DIPK2A: variants seen among roughly 807,000 people sequenced by gnomAD.
The protein encoded by DIPK2A is Golgi Protein of 49 kDa.
A neutral mutation model predicts 39.0 loss-of-function variants in DIPK2A; 27 were observed. The ratio of observed to expected loss-of-function variants is 0.69; its 90% CI spans 0.51 to 0.96. The LOEUF is 0.96. DIPK2A is among the 40% of genes least tolerant of loss of function. The pLI is 0.00. For synonymous variants in DIPK2A, 298 were observed against 240.8 expected (o/e 1.24, Z -2.20); for missense variants, 528 against 571.3 (o/e 0.92, Z 0.77).
chr3:143,973,788 T>C (rs1456078586), intron 1 of DIPK2A: 2 of 583,614 alleles, frequency 3.4e-6, no homozygotes, highest in African/African-American at 3.7e-5. Context: ...AGTTGCGTTG[T>C]TTGCTCTCGT....
At chr3:143,984,275 A>T (rs908407659) in intron 1 of DIPK2A, among the ~76,000 whole-genome samples, 27 of 152,036 alleles carry the variant, frequency 1.8e-4, no homozygotes, top group African/African-American at 6.5e-4. Context: ...ATTTCTTTTG[A>T]TAATATTTCC....
At chr3:143,983,815 A>G (rs1448801668) in intron 1 of DIPK2A, among the ~76,000 whole-genome samples, 1 of 152,074 alleles carries the variant, frequency 6.6e-6, no homozygotes, top group African/African-American at 2.4e-5. Context: ...TAGCAATACA[A>G]ACTGTTTTGT....
At chr3:143,989,054 G>A (rs6770317) in intron 2 of DIPK2A, among the ~76,000 whole-genome samples, 1 of 152,044 alleles carries the variant, frequency 6.6e-6, no homozygotes, top group Admixed American at 6.5e-5. Flanking sequence ...ACCAAATGGA[G>A]CAATCCCTTA....
rs11276482 is a variant in DIPK2A, at chr3:143,991,125, T to TTAAAAAATGTTACGG, written c.*1286_*1287insAAAAATGTTACGGTA. 6.6e-6 allele frequency: 1 copy of TTAAAAAATGTTACGG among 152,244 alleles called. No individual in the cohort carries two copies. The highest frequency in any genetic ancestry group is 1.5e-5 in the Non-Finnish European group (1 of 67,898). The allele number at this position is 152,244 out of a possible 1,614,324, so 9.4% of individuals were successfully genotyped here. A position where few individuals can be genotyped will look rare whatever the true frequency, so the allele number is the denominator to read the frequency against. Reference sequence around the variant, plus strand: ...ATTTGCATAGAAATGTGTGGGCTCTTTATATAAGTTGACTATCACTAACAG... The same window carrying TTAAAAAATGTTACGG: ...ATTTGCATAGAAATGTGTGGGCTCTTTAAAAAATGTTACGGTATATAAGTTGACTATCACTAACAG... On this transcript the variant is annotated 3_prime_UTR_variant, in exon 3 of 3. Transcript: ENST00000315691.
intron 2 of DIPK2A, among the ~76,000 whole-genome samples, chr3:143,988,961 G>A (rs2087944474): frequency 6.6e-6 from 1 of 152,086 alleles, no homozygotes; most frequent in African/African-American, 2.4e-5. Flanking sequence ...CACAAGTTAC[G>A]ACCTATTTTT....
intron 1 of DIPK2A, among the ~76,000 whole-genome samples, chr3:143,980,641 T>G (rs905054908): frequency 5.9e-5 from 9 of 152,160 alleles, no homozygotes; most frequent in Non-Finnish European, 1.2e-4. Context: ...TTTTTTTTTT[T>G]TTGTAGAAAT....
At chr3:143,981,158 A>T (rs147577455) in intron 1 of DIPK2A, among the ~76,000 whole-genome samples, 261 of 152,310 alleles carry the variant, frequency 1.7e-3, no homozygotes, top group African/African-American at 5.8e-3. Context: ...TCAAAGGGTT[A>T]TCGTGATATT....
chr3:143,989,930 G>C lies in DIPK2A; in HGVS notation c.*89G>C. The C allele has an allele frequency of 1.0e-6, 1 of 977,496 alleles. No homozygotes were observed. 60.6% of individuals were successfully genotyped at this position (977,496 alleles called of 1,614,324 possible). A position where few individuals can be genotyped will look rare whatever the true frequency, so the allele number is the denominator to read the frequency against. On this transcript the variant is annotated 3_prime_UTR_variant, in exon 3 of 3. Coordinates refer to ENST00000315691, the MANE Select transcript of DIPK2A (RefSeq NM_173552.5). ...AAACGATCTGAAAAAATGAAATTTG[G>C]AAGTGTTACATTCAGAGGATGATAA... is the stretch of plus-strand genomic sequence containing the variant.
At chr3:143,988,544 T>A (rs2087937896) in intron 2 of DIPK2A, among the ~76,000 whole-genome samples, 1 of 152,064 alleles carries the variant, frequency 6.6e-6, no homozygotes, top group Admixed American at 6.6e-5. Flanking sequence ...CAAAAATGTC[T>A]CTTCCTTCTT....
At chr3:143,977,645 C>T (rs2087749729) in intron 1 of DIPK2A, among the ~76,000 whole-genome samples, 1 of 152,008 alleles carries the variant, frequency 6.6e-6, no homozygotes, top group Non-Finnish European at 1.5e-5. Context: ...TAACTGTCTT[C>T]CTAGATTTCG....
intron 1 of DIPK2A, chr3:143,978,664 A>ATATATATATATATATC (rs1559854273): frequency 2.1e-5 from 1 of 47,316 alleles, no homozygotes; most frequent in Non-Finnish European, 3.8e-5. Flanking sequence ...ATATATCTAT[A>ATATATATATATATATC]TATAGATATA....
chr3:143,975,968 C>G (rs139692441), intron 1 of DIPK2A, among the ~76,000 whole-genome samples: 1 of 151,924 alleles, frequency 6.6e-6, no homozygotes, highest in Non-Finnish European at 1.5e-5. Flanking sequence ...AAAATACTTA[C>G]GAATTTAATC....
In DIPK2A at chr3:143,972,925, A is replaced by G. The variant is rs940093144; in HGVS notation, c.593A>G (p.Lys198Arg). Residue 198 changes from lysine to arginine, a missense_variant, in exon 1 of 3, where the codon AAG (lysine) becomes AGG (arginine). Lys to Arg is a conservative substitution (Grantham distance 26). This residue lies in a region of DIPK2A where 309 missense variants were observed against 289.8 expected (regional missense o/e 1.07). Coordinates refer to ENST00000315691, the MANE Select transcript of DIPK2A (RefSeq NM_173552.5). ...DSGSFLLRNL[K>R]DSERMQLLLT... ...GGCAGCTTCCTGCTTCGCAACCTCA[A>G]GGACTCGGAGCGCATGCAGCTGCTG... 5 of 1,590,364 alleles carry G rather than the reference A, an allele frequency of 3.1e-6. No homozygotes were observed. The highest frequency in any genetic ancestry group is 4.3e-6 in the Non-Finnish European group (5 of 1,170,676).
In DIPK2A at chr3:143,990,035, A is replaced by C; in HGVS notation, c.*194A>C. 1.7e-6 allele frequency: 1 copy of C among 583,014 alleles called. No individual in the cohort carries two copies. The highest frequency in any genetic ancestry group is 3.0e-6 in the Non-Finnish European group (1 of 329,798). 36.1% of individuals were successfully genotyped at this position (583,014 alleles called of 1,614,324 possible). ...AAAATCACATGATGCTTCTGCAAAT[A>C]AGTATGTTCTTATACTTTGGAGGCT... is the stretch of plus-strand genomic sequence containing the variant. On this transcript the variant is annotated 3_prime_UTR_variant, in exon 3 of 3. Transcript: ENST00000315691.
intron 1 of DIPK2A, among the ~76,000 whole-genome samples, chr3:143,982,920 A>C (rs944832778): frequency 6.6e-6 from 1 of 152,010 alleles, no homozygotes; most frequent in African/African-American, 2.4e-5. Flanking sequence ...CAAAAAAAAC[A>C]AAAGGGGTTG....
In DIPK2A at chr3:143,985,857, A is replaced by C. The variant is rs747848535; in HGVS notation, c.961+11A>C. 7.6e-6 allele frequency: 12 copies of C among 1,576,882 alleles called. No homozygotes were observed. The South Asian group carries it at 1.4e-4, about 19-fold the overall frequency. On this transcript the variant is annotated intron_variant, in intron 2 of 2. Coordinates refer to ENST00000315691, the MANE Select transcript of DIPK2A (RefSeq NM_173552.5). Reference sequence around the variant, plus strand: ...GATTAATTAGACAAAGTAAGTATATAATTTTAGATTTTTTTCTACTCATTT... The same window carrying C: ...GATTAATTAGACAAAGTAAGTATATCATTTTAGATTTTTTTCTACTCATTT...
intron 1 of DIPK2A, chr3:143,978,640 CTATATATATATATATATATCTATA>C (rs1159706612): frequency 7.7e-5 from 9 of 117,032 alleles, no homozygotes; most frequent in Non-Finnish European, 1.1e-4. Flanking sequence ...ATATATATAT[CTATATATATATATATATATCTATA>C]TATAGATATA....
chr3:143,976,553 T>A (rs373771932), intron 1 of DIPK2A, among the ~76,000 whole-genome samples: 10,160 of 102,892 alleles, frequency 0.099, 449 homozygotes, highest in Non-Finnish European at 0.13. Context: ...TGTGTGTGTG[T>A]GTGAGAGAGA....
At chr3:143,982,547 G>A (rs2087840471) in intron 1 of DIPK2A, among the ~76,000 whole-genome samples, 1 of 152,128 alleles carries the variant, frequency 6.6e-6, no homozygotes, top group Admixed American at 6.5e-5. Flanking sequence ...ACAAGCAAAT[G>A]CTGAGAGATT....
Sources: gnomAD v4.1 joint callset for allele counts (sites outside exome capture counted in the v4.1 genomes callset) on GRCh38, gnomAD v4.1.1 for gene constraint, gnomAD v4.1.1 regional missense constraint, MANE v1.5 for transcripts, NCBI Gene and HGNC (gene_info 2026-07-23, HGNC 2026-07-21) for gene names.